Variants in PCDHA10 observed in about 807,000 individuals in gnomAD.
PCDHA10 encodes protocadherin alpha-10.
In PCDHA10, 45 loss-of-function variants were observed where a neutral mutation model predicts 61.2. The ratio of observed to expected loss-of-function variants is 0.74; its 90% CI spans 0.58 to 0.94. The LOEUF is 0.94. PCDHA10 is among the 40% of genes least tolerant of loss of function. The probability of loss-of-function intolerance (pLI) is 0.00; values close to 1 mark genes in which losing one functional copy is unlikely to be tolerated. For synonymous variants in PCDHA10, 602 were observed against 548.8 expected (o/e 1.10, Z -1.35); for missense variants, 1,278 against 1,236.2 (o/e 1.03, Z -0.51).
chr5:140,983,387 G>T (rs1417783796), intron 3 of PCDHA10, among the ~76,000 whole-genome samples: 1 of 152,188 alleles, frequency 6.6e-6, no homozygotes, highest in Non-Finnish European at 1.5e-5. Flanking sequence ...CGCTGTGGCA[G>T]TTTTCAGAAA....
intron 1 of PCDHA10, chr5:140,881,920 T>G (rs1205220705): frequency 1.2e-5 from 3 of 257,650 alleles, no homozygotes; most frequent in African/African-American, 6.6e-5. Flanking sequence ...TTGAGCAGAA[T>G]GCAGTGATTT....
chr5:140,870,413 C>T (rs200037363), intron 1 of PCDHA10: 2 of 1,614,242 alleles, frequency 1.2e-6, no homozygotes, highest in South Asian at 2.2e-5. Flanking sequence ...CTGTGGGCCA[C>T]GGCCAGGGTA....
intron 1 of PCDHA10, among the ~76,000 whole-genome samples, chr5:140,917,083 T>C (rs2077876290): frequency 6.6e-6 from 1 of 152,078 alleles, no homozygotes; most frequent in South Asian, 2.1e-4. Flanking sequence ...TAATGTAAAG[T>C]TCCCCAGTTG....
chr5:140,993,460 TCTCACACACA>T (rs1210103837), intron 3 of PCDHA10, among the ~76,000 whole-genome samples: 11 of 104,506 alleles, frequency 1.1e-4, no homozygotes, highest in Admixed American at 1.2e-4. Flanking sequence ...CTTCTTTCTT[TCTCACACACA>T]CACACACACA....
intron 1 of PCDHA10, among the ~76,000 whole-genome samples, chr5:140,904,464 T>G (rs2071152048): frequency 1.3e-5 from 2 of 151,802 alleles, no homozygotes; most frequent in South Asian, 4.1e-4. Context: ...CACTTGTTGA[T>G]TGGTGGCTAT....
At chr5:140,934,430 G>A (rs1249557283) in intron 1 of PCDHA10, among the ~76,000 whole-genome samples, 1 of 152,108 alleles carries the variant, frequency 6.6e-6, no homozygotes, top group Non-Finnish European at 1.5e-5. Context: ...CAATGCAAGT[G>A]TAAATATAGT....
In PCDHA10 at chr5:140,982,208, G is replaced by A. The variant is rs146224628; in HGVS notation, c.2448-267G>A. 246 of 434,966 alleles carry A rather than the reference G, an allele frequency of 5.7e-4. 1 individual carries two copies. The highest frequency in any genetic ancestry group is 7.4e-4 in the Non-Finnish European group (200 of 268,658). 26.9% of individuals were successfully genotyped at this position (434,966 alleles called of 1,614,324 possible). ...GGGCTTCCTGTTAGATTTAGTGAGC[G>A]CCACATGGCGTTAATAAAAAACAGA... On this transcript the variant is annotated intron_variant, in intron 2 of 3. Coordinates refer to ENST00000307360, the MANE Select transcript of PCDHA10 (RefSeq NM_018901.4).
rs189370080 is a variant in PCDHA10 at position 140,877,740 on chromosome 5, G to C, written c.2388+19304G>C. 2.8e-3 allele frequency: 4,494 copies of C among 1,614,198 alleles called. 21 individuals carry two copies. Among genetic ancestry groups the C allele is most frequent in the African/African-American group, 0.01 (782 of 75,064 alleles). On this transcript the variant is annotated intron_variant, in intron 1 of 3. Transcript: ENST00000307360. ...GGTCTTACTCGCAGCAGAGGAGGCA[G>C]AGGGTGTGCTCTGCAGAGAGCCCGC...
intron 1 of PCDHA10, chr5:140,866,685 A>T (rs2049496850): frequency 6.6e-6 from 1 of 152,190 alleles, no homozygotes; most frequent in Admixed American, 6.5e-5. Context: ...TAGGTCTGTT[A>T]GAATATCAGT....
chr5:141,009,239 G>T (rs1416549332), intron 3 of PCDHA10, among the ~76,000 whole-genome samples: 2 of 152,186 alleles, frequency 1.3e-5, no homozygotes, highest in Admixed American at 1.3e-4. Context: ...AGGATCTCTT[G>T]AGCTTCAGTG....
intron 3 of PCDHA10, among the ~76,000 whole-genome samples, chr5:140,996,757 G>A (rs2097743678): frequency 6.6e-6 from 1 of 152,014 alleles, no homozygotes; most frequent in South Asian, 2.1e-4. Context: ...TATCTGTGCA[G>A]GACTAAAATA....
At chr5:140,945,481 C>T (rs269552) in intron 1 of PCDHA10, among the ~76,000 whole-genome samples, 33,891 of 151,742 alleles carry the variant, frequency 0.22, 4,873 homozygotes, top group African/African-American at 0.41. Flanking sequence ...ACAAAACACC[C>T]CAAATACCCA....
rs530025575 is a variant in PCDHA10 at position 140,922,023 on chromosome 5, TA to T, written c.2389-56920del. On this transcript the variant is annotated intron_variant, in intron 1 of 3. Coordinates refer to ENST00000307360, the MANE Select transcript of PCDHA10 (RefSeq NM_018901.4). ...AATGATTAGTTTAAAAAAATAAATA[TA>T]AAAAATGTAATTTTCCCACATACCT... Among the ~76,000 whole-genome samples, 1,214 of 152,080 alleles carry T rather than the reference TA, an allele frequency of 8.0e-3. 6 individuals carry two copies. The highest frequency in any genetic ancestry group is 0.019 in the African/African-American group (784 of 41,506).
intron 1 of PCDHA10, chr5:140,877,568 A>G (rs782021677): frequency 1.9e-6 from 3 of 1,613,708 alleles, no homozygotes; most frequent in Non-Finnish European, 1.7e-6. Context: ...ATTAACGTGT[A>G]CCTCATCATC....
At chr5:140,897,240 A>T (rs1475170855) in intron 1 of PCDHA10, among the ~76,000 whole-genome samples, 5 of 151,908 alleles carry the variant, frequency 3.3e-5, no homozygotes, top group Non-Finnish European at 5.9e-5. Flanking sequence ...TGTGCAGGTT[A>T]GTTACATATG....
intron 1 of PCDHA10, chr5:140,871,299 G>A (rs782459625): frequency 1.9e-6 from 3 of 1,613,916 alleles, no homozygotes; most frequent in South Asian, 1.1e-5. Context: ...GCGCGTGCGC[G>A]CCGGGGAAGC....
At chr5:140,862,749 G>A (rs993473584) in intron 1 of PCDHA10, 2 of 579,518 alleles carry the variant, frequency 3.5e-6, no homozygotes, top group Non-Finnish European at 6.7e-6. Context: ...GGGTGCACGC[G>A]GAGAGCGGCA....
chr5:140,964,579 G>A (rs2095841483), intron 1 of PCDHA10, among the ~76,000 whole-genome samples: 1 of 152,090 alleles, frequency 6.6e-6, no homozygotes, highest in Non-Finnish European at 1.5e-5. Flanking sequence ...ATAAGGGGAG[G>A]AAAGATCACT....
chr5:140,868,090 T>C (rs2050270367), intron 1 of PCDHA10: 2 of 152,144 alleles, frequency 1.3e-5, no homozygotes, highest in Non-Finnish European at 2.9e-5. Flanking sequence ...TTTTATAAAA[T>C]GATAATAAAA....
Sources: allele counts gnomAD v4.1 joint callset (sites outside exome capture counted in the v4.1 genomes callset), GRCh38; gene constraint gnomAD v4.1.1; transcripts MANE v1.5; gene names NCBI Gene and HGNC (gene_info 2026-07-23, HGNC 2026-07-21).